Variants in KIAA1217 observed in about 807,000 individuals in gnomAD.
KIAA1217 encodes sickle tail protein homolog.
Under a neutral mutation model 163.9 loss-of-function variants are expected in KIAA1217, and 88 were observed. The observed-to-expected ratio is 0.54, with a 90% CI of 0.45 to 0.64. The LOEUF is 0.64. Ranked by LOEUF, KIAA1217 falls within the 30% of genes least tolerant of loss-of-function variation. The pLI, the probability that KIAA1217 is intolerant of heterozygous loss-of-function variation, is 0.00. For missense variants in KIAA1217, 2,372 were observed against 2,475.0 expected (o/e 0.96, Z 0.88); for synonymous variants, 903 against 923.1 (o/e 0.98, Z 0.39).
chr10:23,980,581 A>G (rs1203824571), intron 1 of KIAA1217, among the ~76,000 whole-genome samples: 2 of 152,120 alleles, frequency 1.3e-5, no homozygotes, highest in Admixed American at 6.5e-5. Context: ...GGGTGGATGA[A>G]AAAAGGAGGA....
chr10:24,145,881 T>C (rs1370923359), intron 2 of KIAA1217, among the ~76,000 whole-genome samples: 1 of 152,222 alleles, frequency 6.6e-6, no homozygotes, highest in Non-Finnish European at 1.5e-5. Flanking sequence ...TGCTTTATTC[T>C]AGCCATGCTG....
Position 24,543,996 on chromosome 10 carries a change from A to C in KIAA1217, c.4726A>C (p.Lys1576Gln). ...FESPKKKFKF[K>Q]FPKKQLAALT... ...AAGCCCCAAGAAAAAGTTTAAATTC[A>C]AATTCCCTAAGAAGCAACTCGCCGC... is the stretch of plus-strand genomic sequence containing the variant. The change falls in exon 19 of 21, where the codon AAA (lysine) becomes CAA (glutamine). Residue 1576 changes from lysine (K) to glutamine (Q), a missense_variant. Coordinates refer to ENST00000376454, the MANE Select transcript of KIAA1217 (RefSeq NM_019590.5). The C allele has an allele frequency of 6.2e-7, 1 of 1,614,128 alleles. No homozygotes were observed.
intron 2 of KIAA1217, among the ~76,000 whole-genome samples, chr10:24,345,370 G>A (rs2047602351): frequency 6.6e-6 from 1 of 152,186 alleles, no homozygotes; most frequent in Admixed American, 6.5e-5. Context: ...AAATAAAAAG[G>A]GTAACAGAAA....
intron 2 of KIAA1217, among the ~76,000 whole-genome samples, chr10:24,328,047 C>T (rs74337454): frequency 0.033 from 5,016 of 152,220 alleles, 270 homozygotes; most frequent in African/African-American, 0.11. Context: ...CCAGGCTGAA[C>T]TACTCAGCAG....
chr10:23,730,854 C>A (rs977599447), intron 1 of KIAA1217, among the ~76,000 whole-genome samples: 3 of 152,138 alleles, frequency 2.0e-5, no homozygotes, highest in African/African-American at 4.8e-5. Context: ...ATTCTGAAAC[C>A]TTGCTATAAT....
chr10:24,086,938 A>G (rs556537683), intron 2 of KIAA1217, among the ~76,000 whole-genome samples: 22 of 152,306 alleles, frequency 1.4e-4, no homozygotes, highest in African/African-American at 5.3e-4. Flanking sequence ...TTAGATTTCC[A>G]GCTGGTACAG....
At chr10:24,332,854 G>A (rs1016628820) in intron 2 of KIAA1217, among the ~76,000 whole-genome samples, 14 of 152,116 alleles carry the variant, frequency 9.2e-5, no homozygotes, top group African/African-American at 3.4e-4. Flanking sequence ...CCTGCAAGAT[G>A]GCAGGAAACA....
Position 24,252,639 on chromosome 10 carries a change from G to GA in KIAA1217, c.354+32740dup, listed in dbSNP as rs907864806. 2.3e-4 allele frequency among the ~76,000 whole-genome samples: 34 copies of GA among 148,460 alleles called. 1 individual carries two copies. Among genetic ancestry groups the GA allele is most frequent in the Admixed American group, 3.4e-4 (5 of 14,816 alleles). ...GGACAGCTACATGTGATCAGATTTG[G>GA]AAAAAAAAAATAACCATTCATTCAT... On this transcript the variant is annotated intron_variant, in intron 2 of 20. Coordinates refer to ENST00000376454, the MANE Select transcript of KIAA1217 (RefSeq NM_019590.5).
Position 24,380,938 on chromosome 10 carries a change from G to A in KIAA1217, c.424G>A (p.Glu142Lys), listed in dbSNP as rs2053214850. 6.2e-7 allele frequency: 1 copy of A among 1,608,958 alleles called. No individual in the cohort carries two copies. Among genetic ancestry groups the A allele is most frequent in the Non-Finnish European group, 8.5e-7 (1 of 1,177,312 alleles). Reference protein sequence around the residue: ...SLGDPVEHLSETSADSLEAMS... With the variant: ...SLGDPVEHLSKTSADSLEAMS... ...GGGTGACCCGGTCGAGCATTTATCA[G>A]AGACGTCCGCTGATTCTTTGGAAGC... The change falls in exon 3 of 21, where the codon GAG (glutamate) becomes AAG (lysine). Residue 142 changes from glutamate to lysine, a missense_variant. Glu to Lys is a moderately conservative substitution (Grantham distance 56). Around this residue, in one of 3 missense-constraint regions of KIAA1217, gnomAD observed 1,431 missense variants for 1,470.3 expected, o/e 0.97. Transcript: ENST00000376454.
chr10:24,501,692 G>A (rs2133971172), intron 9 of KIAA1217, 147 bp downstream of exon 9: 2 of 327,848 alleles, frequency 6.1e-6, no homozygotes, highest in South Asian at 4.9e-5. Context: ...CAAGTCTAGA[G>A]CCTTCCACTG....
At chr10:24,513,222 G>T in intron 9 of KIAA1217, 37 bp from the exon 10 acceptor site, 1 of 1,605,944 alleles carries the variant, frequency 6.2e-7, no homozygotes, top group Non-Finnish European at 8.5e-7. Flanking sequence ...TTTCAGGCAG[G>T]CAGAGCCCAC....
chr10:23,838,675 G>T (rs183188612), intron 1 of KIAA1217, among the ~76,000 whole-genome samples: 1 of 152,210 alleles, frequency 6.6e-6, no homozygotes, highest in African/African-American at 2.4e-5. Flanking sequence ...TGGCCAGGCT[G>T]GTTTCGAACT....
At chr10:24,222,242 T>A (rs1251183275) in intron 2 of KIAA1217, among the ~76,000 whole-genome samples, 1 of 152,228 alleles carries the variant, frequency 6.6e-6, no homozygotes. Context: ...AGTTCTGCCA[T>A]GGCTGGCCAG....
chr10:23,941,788 C>T (rs1215404672), intron 1 of KIAA1217, among the ~76,000 whole-genome samples: 2 of 152,126 alleles, frequency 1.3e-5, no homozygotes, highest in East Asian at 3.8e-4. Flanking sequence ...TAAATTTAGT[C>T]ATGTTAGAGG....
intron 2 of KIAA1217, among the ~76,000 whole-genome samples, chr10:24,085,421 T>G (rs1312711159): frequency 6.6e-6 from 1 of 152,158 alleles, no homozygotes; most frequent in Non-Finnish European, 1.5e-5. Context: ...GTTCAGGAGA[T>G]GTGAAACCCA....
intron 1 of KIAA1217, among the ~76,000 whole-genome samples, chr10:23,853,342 C>G (rs1003994433): frequency 3.9e-5 from 6 of 152,134 alleles, no homozygotes; most frequent in South Asian, 2.1e-4. Context: ...ATTAAACCAG[C>G]CTTGCATCCC....
chr10:24,385,056 C>T (rs1437495258), intron 3 of KIAA1217, among the ~76,000 whole-genome samples: 2 of 152,202 alleles, frequency 1.3e-5, no homozygotes, highest in Non-Finnish European at 2.9e-5. Flanking sequence ...TGTACACTGG[C>T]ACGTGGTGCC....
intron 2 of KIAA1217, among the ~76,000 whole-genome samples, chr10:24,369,857 CA>C (rs1415867910): frequency 1.3e-5 from 2 of 152,204 alleles, no homozygotes; most frequent in African/African-American, 4.8e-5. Flanking sequence ...AGGATTTTGG[CA>C]GCCAAAGCCT....
chr10:24,501,387 C>T lies in KIAA1217; in HGVS notation c.1843C>T (p.His615Tyr). 1.9e-6 allele frequency: 3 copies of T among 1,608,852 alleles called. No individual in the cohort carries two copies. Among genetic ancestry groups the T allele is most frequent in the Non-Finnish European group, 2.6e-6 (3 of 1,175,994 alleles). Residue 615 changes from histidine (H) to tyrosine (Y), a missense_variant, in exon 9 of 21, where the codon CAT becomes TAT. Coordinates refer to ENST00000376454, the MANE Select transcript of KIAA1217 (RefSeq NM_019590.5). ...ATGCACTTTTCTCATAGGAACGCCC[C>T]ATGTGTCTGGTGGGAAGATGCTCAG... ...RNHTDSAGTP[H>Y]VSGGKMLSAL...
Sources: gnomAD v4.1 joint callset for allele counts (sites outside exome capture counted in the v4.1 genomes callset) on GRCh38, gnomAD v4.1.1 for gene constraint, gnomAD v4.1.1 regional missense constraint, MANE v1.5 for transcripts, NCBI Gene and HGNC (gene_info 2026-07-23, HGNC 2026-07-21) for gene names.